Variants in ADHFE1 observed in about 807,000 individuals in gnomAD.
The protein encoded by ADHFE1 is hydroxyacid-oxoacid transhydrogenase, mitochondrial.
In ADHFE1, 37 loss-of-function variants were observed where a neutral mutation model predicts 54.8. The ratio of observed to expected loss-of-function variants is 0.68; its 90% CI spans 0.52 to 0.89. The LOEUF is 0.89. Among genes scored for constraint, ADHFE1 ranks in the 40% least tolerant of loss-of-function variants. The pLI, the probability that ADHFE1 is intolerant of heterozygous loss-of-function variation, is 0.00. For synonymous variants in ADHFE1, 203 were observed against 229.3 expected (o/e 0.89, Z 1.04); for missense variants, 601 against 591.2 (o/e 1.02, Z -0.17).
At chr8:66,434,684 A>G (rs1479808008) in intron 1 of ADHFE1, among the ~76,000 whole-genome samples, 2 of 152,350 alleles carry the variant, frequency 1.3e-5, no homozygotes, top group East Asian at 3.9e-4. Context: ...GCTTCTGCCC[A>G]ACACATTCCA....
At position 66,457,148 on chromosome 8, in the gene ADHFE1, G is replaced by C. The variant is rs754154209; in HGVS notation, c.1144G>C (p.Glu382Gln). Residue 382 changes from glutamate (E) to glutamine (Q), a missense_variant, in exon 12 of 14, where the codon GAG becomes CAG. Coordinates refer to ENST00000396623, the MANE Select transcript of ADHFE1 (RefSeq NM_144650.3). ...CCAGATGTTTCCAGAGCGACACCTGGAGATGGCAGAAATACTGGGTATGAA... is the reference window on the plus strand; with the variant it reads ...CCAGATGTTTCCAGAGCGACACCTGCAGATGGCAGAAATACTGGGTATGAA... ...TAQMFPERHL[E>Q]MAEILGADTR... is the part of the protein sequence containing the mutation. The C allele has an allele frequency of 1.2e-6, 2 of 1,613,282 alleles. No individual in the cohort carries two copies. Among genetic ancestry groups the C allele is most frequent in the Non-Finnish European group, 1.7e-6 (2 of 1,179,578 alleles).
At chr8:66,440,242 T>C (rs765277873) in intron 2 of ADHFE1, 43 bp downstream of exon 2, 1 of 1,576,548 alleles carries the variant, frequency 6.3e-7, no homozygotes, top group East Asian at 2.2e-5. Context: ...TTTTGGTTTC[T>C]GCATTTGGCA....
Position 66,468,645 on chromosome 8 carries a change from G to T in ADHFE1, c.*293G>T. 5.5e-6 allele frequency: 1 copy of T among 181,136 alleles called. No homozygotes were observed. Among genetic ancestry groups the T allele is most frequent in the Non-Finnish European group, 1.1e-5 (1 of 87,164 alleles). 11.2% of individuals were successfully genotyped at this position (181,136 alleles called of 1,614,324 possible). A position where few individuals can be genotyped will look rare whatever the true frequency, so the allele number is the denominator to read the frequency against. ...TGCCTCTGTTTCATGTAGCAAATGAGCAAAAACTCAGTATCTATCAAAAGT... is the reference window on the plus strand; with the variant it reads ...TGCCTCTGTTTCATGTAGCAAATGATCAAAAACTCAGTATCTATCAAAAGT... On this transcript the variant is annotated 3_prime_UTR_variant, in exon 14 of 14. Transcript: ENST00000396623.
rs1563488965 is a variant in ADHFE1 at position 66,445,298 on chromosome 8, C to T, written c.434C>T (p.Thr145Ile). The T allele has an allele frequency of 1.9e-6, 3 of 1,613,862 alleles. 1 individual carries two copies. The highest frequency in any genetic ancestry group is 1.7e-6 in the Non-Finnish European group (2 of 1,179,960). The change falls in exon 6 of 14, where the codon ACC (threonine) becomes ATC (isoleucine). Residue 145 changes from threonine (T) to isoleucine (I), a missense_variant. Thr to Ile is a moderately conservative substitution (Grantham distance 89). Coordinates refer to ENST00000396623, the MANE Select transcript of ADHFE1 (RefSeq NM_144650.3). ...GTCGGTGGTGGCTCTACCATGGACA[C>T]CTGTAAGGCTGCTAATCTGTATGCA... is the stretch of plus-strand genomic sequence containing the variant. Reference protein sequence around the residue: ...VAVGGGSTMDTCKAANLYASS... With the variant: ...VAVGGGSTMDICKAANLYASS...
intron 13 of ADHFE1, among the ~76,000 whole-genome samples, chr8:66,465,217 C>G (rs901490542): frequency 6.6e-6 from 1 of 152,138 alleles, no homozygotes; most frequent in African/African-American, 2.4e-5. Context: ...GCTTTCAATT[C>G]TTTGGGGTAT....
chr8:66,444,768 A>G lies in ADHFE1; in HGVS notation c.353+20A>G, dbSNP rs758395928. 1.9e-6 allele frequency: 3 copies of G among 1,612,932 alleles called. No individual in the cohort carries two copies. Among genetic ancestry groups the G allele is most frequent in the Non-Finnish European group, 2.5e-6 (3 of 1,179,564 alleles). ...TTCAAGGTATTCTTGTATTGTTGTT[A>G]TTGTTTCTTTACTTTAAGCAGAAGC... is the stretch of plus-strand genomic sequence containing the variant. On this transcript the variant is annotated intron_variant, in intron 5 of 13. Transcript: ENST00000396623.
At chr8:66,445,101 A>G in intron 5 of ADHFE1, 117 bp from the exon 6 acceptor site, 1 of 911,152 alleles carries the variant, frequency 1.1e-6, no homozygotes, top group Admixed American at 3.3e-5. Flanking sequence ...ACTCCGTCTC[A>G]AAAAAAAAAC....
chr8:66,460,154 C>T (rs974495315), intron 12 of ADHFE1, 154 bp from the exon 13 acceptor site: 46 of 922,256 alleles, frequency 5.0e-5, no homozygotes, highest in Non-Finnish European at 7.2e-5. Flanking sequence ...CCCCAGCCAA[C>T]TTGGGCCCTC....
intron 13 of ADHFE1, among the ~76,000 whole-genome samples, chr8:66,460,710 A>G (rs1273043236): frequency 2.6e-5 from 4 of 152,170 alleles, no homozygotes; most frequent in African/African-American, 7.2e-5. Context: ...GAAGGGATGG[A>G]TCCTTTATGA....
In ADHFE1 at chr8:66,432,526, G is replaced by A; in HGVS notation, c.10G>A (p.Ala4Thr). The part of the protein sequence containing the change: MAA[A>T]ARARVAYLLR... Reference sequence around the variant, plus strand: ...GAGGACTCCAAGCGCCATGGCCGCTGCCGCCCGAGCCCGGGTCGCGTACTT... The same window carrying A: ...GAGGACTCCAAGCGCCATGGCCGCTACCGCCCGAGCCCGGGTCGCGTACTT... The change falls in exon 1 of 14, where the codon GCC becomes ACC. Residue 4 changes from alanine (A) to threonine (T), a missense_variant. Ala to Thr is a moderately conservative substitution (Grantham distance 58, BLOSUM62 0). Transcript: ENST00000396623. The A allele has an allele frequency of 2.2e-6, 3 of 1,361,430 alleles. No homozygotes were observed. Among genetic ancestry groups the A allele is most frequent in the Non-Finnish European group, 9.6e-7 (1 of 1,046,566 alleles). 84.3% of individuals were successfully genotyped at this position (1,361,430 alleles called of 1,614,324 possible).
rs780460156 is a variant in ADHFE1, at chr8:66,444,396, A to G, written c.174A>G (p.Ala58=). 4.3e-6 allele frequency: 7 copies of G among 1,614,182 alleles called. No individual in the cohort carries two copies. Among genetic ancestry groups the G allele is most frequent in the Admixed American group, 3.3e-5 (2 of 60,028 alleles). Residue 58 remains alanine, a synonymous_variant, in exon 4 of 14, where the codon GCA becomes GCG. Coordinates refer to ENST00000396623, the MANE Select transcript of ADHFE1 (RefSeq NM_144650.3). ...EMAVSNIRYG[A]AVTKEVGMDL... is the part of the protein sequence containing the mutation. ...CTGTTTCAAATATTAGATATGGAGC[A>G]GCAGTTACAAAGGAAGTAGGAATGG...
Position 66,444,704 on chromosome 8 carries a change from C to G in ADHFE1, c.309C>G (p.Pro103=). The change falls in exon 5 of 14, where the codon CCC becomes CCG. Residue 103 remains proline, a synonymous_variant. Transcript: ENST00000396623. ...ATTCCCTAGTGAAGAATGGCATCCCCTTTACGGTTTATGATAATGTGAGAG... is the reference window on the plus strand; with the variant it reads ...ATTCCCTAGTGAAGAATGGCATCCCGTTTACGGTTTATGATAATGTGAGAG... ...AMDSLVKNGI[P]FTVYDNVRVE... is the part of the protein sequence containing the mutation. 1 of 1,614,232 alleles carries G rather than the reference C, an allele frequency of 6.2e-7. No homozygotes were observed. The highest frequency in any genetic ancestry group is 1.1e-5 in the South Asian group (1 of 91,086).
chr8:66,444,968 G>T (rs533106241), intron 5 of ADHFE1, among the ~76,000 whole-genome samples: 108 of 152,226 alleles, frequency 7.1e-4, no homozygotes, highest in African/African-American at 2.3e-3. Context: ...AGTCATGGTG[G>T]CAGGCACCTG....
Position 66,452,144 on chromosome 8 carries a change from C to T in ADHFE1, c.887+39C>T, listed in dbSNP as rs547589008. The T allele has an allele frequency of 2.0e-5, 32 of 1,604,998 alleles. No individual in the cohort carries two copies. In the East Asian group the frequency reaches 6.5e-4, roughly 33 times the overall value. ...AAGGGGATAGAAATAGAACAGGAGG[C>T]CCACATTCTGCCAGCACGTGAAACA... On this transcript the variant is annotated intron_variant, in intron 9 of 13. Coordinates refer to ENST00000396623, the MANE Select transcript of ADHFE1 (RefSeq NM_144650.3).
intron 7 of ADHFE1, among the ~76,000 whole-genome samples, chr8:66,448,003 C>T (rs1806118014): frequency 6.6e-6 from 1 of 152,226 alleles, no homozygotes; most frequent in South Asian, 2.1e-4. Context: ...CCACCCCAAT[C>T]AAGATACAAA....
chr8:66,449,040 G>A (rs977459247), intron 8 of ADHFE1, 70 bp downstream of exon 8: 33 of 1,343,418 alleles, frequency 2.5e-5, no homozygotes, highest in Admixed American at 7.0e-5. Context: ...GTTGCTCAAC[G>A]CACATGCTAA....
chr8:66,432,624 A>G, intron 1 of ADHFE1, 49 bp downstream of exon 1: 2 of 1,282,020 alleles, frequency 1.6e-6, no homozygotes, highest in Non-Finnish European at 2.0e-6. Context: ...GTGCCCACGC[A>G]GCCCCCTGGG....
rs1805626342 is a variant in ADHFE1 at position 66,439,329 on chromosome 8, C to T, written c.60-833C>T. 1.0e-6 allele frequency: 1 copy of T among 985,416 alleles called. No homozygotes were observed. Among genetic ancestry groups the T allele is most frequent in the Non-Finnish European group, 1.2e-6 (1 of 830,110 alleles). 61.0% of individuals were successfully genotyped at this position (985,416 alleles called of 1,614,324 possible). Reference sequence around the variant, plus strand: ...AGGTCTTCTGGGCAACCCAACGAAACATAAAACCGTCTTCCCAGCCTCGAT... The same window carrying T: ...AGGTCTTCTGGGCAACCCAACGAAATATAAAACCGTCTTCCCAGCCTCGAT... On this transcript the variant is annotated intron_variant, in intron 1 of 13. Coordinates refer to ENST00000396623, the MANE Select transcript of ADHFE1 (RefSeq NM_144650.3). The surrounding 1 kb of genome is among the most constrained non-coding windows in gnomAD (Gnocchi z 4.4).
intron 9 of ADHFE1, among the ~76,000 whole-genome samples, chr8:66,453,243 GAACT>G (rs780060534): frequency 4.6e-5 from 7 of 152,152 alleles, no homozygotes; most frequent in Admixed American, 2.0e-4. Context: ...GGGGAATAAG[GAACT>G]AACATGGGGT....
Sources: gnomAD v4.1 joint callset for allele counts (sites outside exome capture counted in the v4.1 genomes callset) on GRCh38, gnomAD v4.1.1 for gene constraint, Gnocchi (gnomAD v3.1) non-coding constraint, MANE v1.5 for transcripts, NCBI Gene and HGNC (gene_info 2026-07-23, HGNC 2026-07-21) for gene names.